Variants in GRIA4 observed in about 807,000 individuals in gnomAD.
GRIA4 encodes glutamate receptor 4.
In GRIA4, 34 loss-of-function variants were observed where a neutral mutation model predicts 104.0. That is an observed-to-expected ratio of 0.33 (90% confidence interval 0.25 to 0.44). GRIA4 has a LOEUF of 0.44. Among genes scored for constraint, GRIA4 ranks in the 20% least tolerant of loss-of-function variants. The probability of loss-of-function intolerance (pLI) is 1.00; values close to 1 mark genes in which losing one functional copy is unlikely to be tolerated. For missense variants in GRIA4, 750 were observed against 1,096.5 expected (o/e 0.68, Z 4.46); for synonymous variants, 386 against 381.9 (o/e 1.01, Z -0.13).
intron 4 of GRIA4, among the ~76,000 whole-genome samples, chr11:105,758,254 T>C (rs1940425596): frequency 6.7e-6 from 1 of 150,358 alleles, no homozygotes; most frequent in African/African-American, 2.5e-5. Context: ...CTTAATTTTC[T>C]TTTTTTTTGC....
chr11:105,714,299 T>C (rs1258802802), intron 3 of GRIA4, among the ~76,000 whole-genome samples: 3 of 152,044 alleles, frequency 2.0e-5, no homozygotes, highest in Non-Finnish European at 4.4e-5. Context: ...AAGTTACTAG[T>C]GCAATTTTCA....
chr11:105,923,112 G>A (rs1020882870), intron 11 of GRIA4, among the ~76,000 whole-genome samples: 2 of 152,102 alleles, frequency 1.3e-5, no homozygotes, highest in Non-Finnish European at 2.9e-5. Context: ...ATAGAACCAG[G>A]AGCCTGAGGA....
chr11:105,964,244 A>G (rs2136269710), intron 14 of GRIA4, among the ~76,000 whole-genome samples: 2 of 152,312 alleles, frequency 1.3e-5, no homozygotes, highest in Admixed American at 1.3e-4. Flanking sequence ...TTACTTGGAA[A>G]TGTAGGAGTA....
In GRIA4 at chr11:105,927,376, T is replaced by C. The variant is rs1430018674; in HGVS notation, c.2046+437T>C. Reference sequence around the variant, plus strand: ...TTAATTGCAGATTATACTACTTATATGAGTTATATTATTCTATAACCTATT... The same window carrying C: ...TTAATTGCAGATTATACTACTTATACGAGTTATATTATTCTATAACCTATT... On this transcript the variant is annotated intron_variant, in intron 13 of 16. Coordinates refer to ENST00000282499, the MANE Select transcript of GRIA4 (RefSeq NM_000829.4). Among the ~76,000 whole-genome samples the C allele has an allele frequency of 2.6e-5, 4 of 152,254 alleles. No individual in the cohort carries two copies. The South Asian group carries it at 8.3e-4, about 32-fold the overall frequency.
chr11:105,661,855 T>C (rs1952020064), intron 3 of GRIA4, among the ~76,000 whole-genome samples: 1 of 151,796 alleles, frequency 6.6e-6, no homozygotes, highest in Non-Finnish European at 1.5e-5. Context: ...TATAGAACTT[T>C]CTACATATTT....
chr11:105,977,469 T>C (rs1859042529), intron 16 of GRIA4, among the ~76,000 whole-genome samples: 1 of 151,984 alleles, frequency 6.6e-6, no homozygotes, highest in African/African-American at 2.4e-5. Context: ...GCATATGACT[T>C]TATCTAACTA....
At chr11:105,894,791 A>ATTTTTTTTTTTTTTTTTTTTTTTT (rs569292239) in intron 6 of GRIA4, among the ~76,000 whole-genome samples, 1 of 126,386 alleles carries the variant, frequency 7.9e-6, no homozygotes, top group African/African-American at 3.2e-5. Context: ...ATTGCTACAT[A>ATTTTTTTTTTTTTTTTTTTTTTTT]TTTTTTTTTT....
chr11:105,737,519 G>A (rs1253246107), intron 3 of GRIA4, among the ~76,000 whole-genome samples: 1 of 151,968 alleles, frequency 6.6e-6, no homozygotes, highest in African/African-American at 2.4e-5. Context: ...ATCGGTTACT[G>A]CAATCTTATT....
chr11:105,695,541 G>T (rs1225079224), intron 3 of GRIA4, among the ~76,000 whole-genome samples: 2 of 151,718 alleles, frequency 1.3e-5, no homozygotes, highest in African/African-American at 4.8e-5. Context: ...GGGGGTGGTT[G>T]TCTTGCTTTT....
rs558405826 is a variant in GRIA4, at chr11:105,729,795, A to G, written c.248-23186A>G. ...TCAATAGATGCAGAAAAGGCCTTCA[A>G]TGAAATTCAACACCTCTTCATGCTA... is the stretch of plus-strand genomic sequence containing the variant. On this transcript the variant is annotated intron_variant, in intron 3 of 16. Transcript: ENST00000282499. Among the ~76,000 whole-genome samples, 33 of 152,352 alleles carry G rather than the reference A, an allele frequency of 2.2e-4. 1 individual carries two copies. The South Asian group carries it at 5.4e-3, about 25-fold the overall frequency.
chr11:105,797,914 C>T (rs1289912782), intron 4 of GRIA4: 1 of 413,560 alleles, frequency 2.4e-6, no homozygotes, highest in Non-Finnish European at 4.9e-6. Flanking sequence ...AAATTACATA[C>T]ATTTTTGGAA....
At chr11:105,870,884 A>G (rs1945590069) in intron 5 of GRIA4, among the ~76,000 whole-genome samples, 1 of 152,102 alleles carries the variant, frequency 6.6e-6, no homozygotes, top group African/African-American at 2.4e-5. Flanking sequence ...AGAATGAACC[A>G]GAAAGAAGGT....
At chr11:105,630,656 C>T (rs912998775) in intron 3 of GRIA4, among the ~76,000 whole-genome samples, 7 of 151,990 alleles carry the variant, frequency 4.6e-5, no homozygotes, top group African/African-American at 7.2e-5. Context: ...TGTTTTAAAT[C>T]AATTTTTGAG....
At chr11:105,612,136 G>C in intron 2 of GRIA4, 140 bp from the exon 3 acceptor site, 1 of 712,572 alleles carries the variant, frequency 1.4e-6, no homozygotes, top group Non-Finnish European at 2.4e-6. Context: ...TAGGGACAAA[G>C]GGCAGTCTCC....
At chr11:105,634,711 A>G (rs1951159190) in intron 3 of GRIA4, among the ~76,000 whole-genome samples, 1 of 152,152 alleles carries the variant, frequency 6.6e-6, no homozygotes, top group Non-Finnish European at 1.5e-5. Context: ...AACTAAACCC[A>G]TGCTTAAGAG....
chr11:105,853,304 T>A (rs981518594), intron 4 of GRIA4, among the ~76,000 whole-genome samples: 1 of 152,186 alleles, frequency 6.6e-6, no homozygotes, highest in Non-Finnish European at 1.5e-5. Context: ...TTCTGAAGCT[T>A]ATTTTAGCTC....
At chr11:105,857,635 C>T (rs1190151099) in intron 4 of GRIA4, among the ~76,000 whole-genome samples, 1 of 152,124 alleles carries the variant, frequency 6.6e-6, no homozygotes, top group Admixed American at 6.6e-5. Flanking sequence ...CTCACCTCTT[C>T]CCATTTTCTC....
At chr11:105,819,909 T>C (rs1005171608) in intron 4 of GRIA4, among the ~76,000 whole-genome samples, 4 of 152,110 alleles carry the variant, frequency 2.6e-5, no homozygotes, top group Non-Finnish European at 4.4e-5. Context: ...GGTGGGCCTC[T>C]AACCCAGTGT....
intron 3 of GRIA4, among the ~76,000 whole-genome samples, chr11:105,719,291 G>C (rs751495628): frequency 1.3e-5 from 2 of 152,076 alleles, no homozygotes; most frequent in African/African-American, 4.8e-5. Flanking sequence ...TTGGCATTAG[G>C]AACTATCGGA....
Sources: gnomAD v4.1 joint callset for allele counts (sites outside exome capture counted in the v4.1 genomes callset) on GRCh38, gnomAD v4.1.1 for gene constraint, MANE v1.5 for transcripts, NCBI Gene and HGNC (gene_info 2026-07-23, HGNC 2026-07-21) for gene names.